Variants in RIMS1 observed in about 807,000 individuals in gnomAD.
The protein encoded by RIMS1 is regulating synaptic membrane exocytosis protein 1.
Under a neutral mutation model 214.1 loss-of-function variants are expected in RIMS1, and 83 were observed. The ratio of observed to expected loss-of-function variants is 0.39; its 90% confidence interval spans 0.32 to 0.47. The LOEUF (loss-of-function observed/expected upper bound fraction) is 0.47, where lower values mean the gene tolerates loss of function less well. Ranked by LOEUF, RIMS1 falls within the 20% of genes least tolerant of loss-of-function variation. RIMS1 has a pLI of 0.99. For missense variants in RIMS1, 2,050 were observed against 2,161.8 expected (o/e 0.95, Z 1.03); for synonymous variants, 793 against 786.8 (o/e 1.01, Z -0.13).
intron 6 of RIMS1, among the ~76,000 whole-genome samples, chr6:72,198,778 T>C (rs772064747): frequency 2.0e-4 from 30 of 151,932 alleles, no homozygotes; most frequent in Admixed American, 9.2e-4. Context: ...CTCATAATTA[T>C]GTATAAATAT....
chr6:72,091,950 A>G (rs1836345359), intron 2 of RIMS1, among the ~76,000 whole-genome samples: 1 of 152,238 alleles, frequency 6.6e-6, no homozygotes, highest in African/African-American at 2.4e-5. Context: ...AAGACCATTT[A>G]ATAAAATATG....
At chr6:71,980,670 T>C (rs1300110641) in intron 2 of RIMS1, among the ~76,000 whole-genome samples, 5 of 152,012 alleles carry the variant, frequency 3.3e-5, no homozygotes, top group South Asian at 4.1e-4. Context: ...ATATGCATGA[T>C]GGATGAGCGT....
chr6:72,047,180 C>T (rs1373033898), intron 2 of RIMS1, among the ~76,000 whole-genome samples: 1 of 152,178 alleles, frequency 6.6e-6, no homozygotes, highest in Non-Finnish European at 1.5e-5. Context: ...GACCCTCCAA[C>T]TTGCAGATTG....
chr6:71,952,146 G>T (rs539683842), intron 1 of RIMS1, among the ~76,000 whole-genome samples: 3 of 152,054 alleles, frequency 2.0e-5, no homozygotes, highest in African/African-American at 7.2e-5. Flanking sequence ...GGAAACCTAC[G>T]TGGGATTATT....
chr6:72,168,692 T>C (rs1282823137), intron 4 of RIMS1, among the ~76,000 whole-genome samples: 1 of 151,838 alleles, frequency 6.6e-6, no homozygotes, highest in African/African-American at 2.4e-5. Flanking sequence ...TGATATCTTA[T>C]TGGGAAGCTG....
chr6:72,204,693 TA>T (rs1283627216), intron 6 of RIMS1, among the ~76,000 whole-genome samples: 1 of 152,246 alleles, frequency 6.6e-6, no homozygotes, highest in African/African-American at 2.4e-5. Flanking sequence ...TTTCTACATT[TA>T]TATATTGTTT....
Position 71,886,884 on chromosome 6 carries a change from T to TGCC in RIMS1, c.-128_-126dup, listed in dbSNP as rs1168677278. 158 of 869,306 alleles carry TGCC rather than the reference T, an allele frequency of 1.8e-4. 1 individual carries two copies. Among genetic ancestry groups the TGCC allele is most frequent in the South Asian group, 3.0e-4 (18 of 60,620 alleles). The allele number at this position is 869,306 out of a possible 1,614,324, so 53.8% of individuals were successfully genotyped here. On this transcript the variant is annotated 5_prime_UTR_variant, in exon 1 of 34. Transcript: ENST00000521978. ...TCCCCGGCTCTGCTGCTGCTGCTGC[T>TGCC]GCCGCCGCCGCCGCTGCTCCTCCTC...
chr6:72,172,286 A>G (rs1177332662), intron 4 of RIMS1, among the ~76,000 whole-genome samples: 1 of 152,206 alleles, frequency 6.6e-6, no homozygotes, highest in Non-Finnish European at 1.5e-5. Context: ...GAATATGTTA[A>G]AAGATAAATG....
intron 1 of RIMS1, among the ~76,000 whole-genome samples, chr6:71,916,732 G>A (rs1778544319): frequency 6.6e-6 from 1 of 152,148 alleles, no homozygotes; most frequent in Non-Finnish European, 1.5e-5. Context: ...TTATCTTAAA[G>A]ACTTGATTCA....
chr6:72,238,777 C>G (rs544986508), intron 9 of RIMS1, among the ~76,000 whole-genome samples: 65 of 152,200 alleles, frequency 4.3e-4, no homozygotes, highest in East Asian at 3.5e-3. Flanking sequence ...ACAAAGAGTA[C>G]ATTTCCAGGT....
intron 30 of RIMS1, among the ~76,000 whole-genome samples, chr6:72,391,506 A>C (rs2098702083): frequency 6.6e-6 from 1 of 152,120 alleles, no homozygotes; most frequent in Non-Finnish European, 1.5e-5. Flanking sequence ...ATGGAGATTC[A>C]CCACATATAA....
intron 2 of RIMS1, among the ~76,000 whole-genome samples, chr6:72,081,361 A>G (rs1833350414): frequency 6.6e-6 from 1 of 152,188 alleles, no homozygotes; most frequent in African/African-American, 2.4e-5. Context: ...TTGGATCATG[A>G]CAGTGACAAA....
At chr6:71,904,977 T>C (rs1774824901) in intron 1 of RIMS1, among the ~76,000 whole-genome samples, 1 of 152,100 alleles carries the variant, frequency 6.6e-6, no homozygotes, top group African/African-American at 2.4e-5. Flanking sequence ...TTTTTGTAAA[T>C]AAGACAATAT....
At chr6:71,935,045 A>G (rs1451165491) in intron 1 of RIMS1, among the ~76,000 whole-genome samples, 1 of 152,224 alleles carries the variant, frequency 6.6e-6, no homozygotes, top group Non-Finnish European at 1.5e-5. Flanking sequence ...AAATTAAGTA[A>G]GTGCAGTTTG....
At chr6:72,166,031 G>A (rs1193636587) in intron 4 of RIMS1, among the ~76,000 whole-genome samples, 6 of 152,228 alleles carry the variant, frequency 3.9e-5, no homozygotes, top group South Asian at 4.1e-4. Context: ...CTTAAATAAC[G>A]TAAAATTATT....
chr6:71,989,530 G>A (rs1800957212), intron 2 of RIMS1, among the ~76,000 whole-genome samples: 1 of 152,134 alleles, frequency 6.6e-6, no homozygotes. Context: ...TACTTAATTT[G>A]TCTCATCTCA....
intron 29 of RIMS1, among the ~76,000 whole-genome samples, chr6:72,336,394 C>A (rs556182360): frequency 2.0e-5 from 3 of 151,796 alleles, no homozygotes; most frequent in Non-Finnish European, 4.4e-5. Flanking sequence ...TGTTTTATCT[C>A]AGTTATGGTC....
chr6:71,980,673 A>G (rs1365935496), intron 2 of RIMS1, among the ~76,000 whole-genome samples: 1 of 152,110 alleles, frequency 6.6e-6, no homozygotes, highest in Non-Finnish European at 1.5e-5. Flanking sequence ...TGCATGATGG[A>G]TGAGCGTACG....
chr6:72,126,543 T>G (rs1381943637), intron 4 of RIMS1, among the ~76,000 whole-genome samples: 3 of 150,994 alleles, frequency 2.0e-5, no homozygotes. Context: ...ACTAATATCC[T>G]AAATCTACAA....
Sources: gnomAD v4.1 joint callset for allele counts (sites outside exome capture counted in the v4.1 genomes callset) on GRCh38, gnomAD v4.1.1 for gene constraint, MANE v1.5 for transcripts, NCBI Gene and HGNC (gene_info 2026-07-23, HGNC 2026-07-21) for gene names.